ZCWPW2: variants seen among roughly 807,000 people sequenced by gnomAD.
The protein encoded by ZCWPW2 is zinc finger CW-type and PWWP domain containing 2.
ZCWPW2 carries 45 observed loss-of-function variants against 46.6 expected under a neutral mutation model. That is an observed-to-expected ratio of 0.96 (90% CI 0.76 to 1.24). The LOEUF (loss-of-function observed/expected upper bound fraction) is 1.24, where lower values mean the gene tolerates loss of function less well. Among genes scored for constraint, ZCWPW2 ranks in the 50% most tolerant of loss-of-function variants. ZCWPW2 has a pLI of 0.00. For synonymous variants in ZCWPW2, 152 were observed against 137.1 expected (o/e 1.11, Z -0.76); for missense variants, 429 against 403.9 (o/e 1.06, Z -0.53).
chr3:28,480,936 G>C (rs911988334), intron 5 of ZCWPW2, among the ~76,000 whole-genome samples: 1 of 146,128 alleles, frequency 6.8e-6, no homozygotes, highest in Non-Finnish European at 1.5e-5. Context: ...CGCGATCTCA[G>C]CTCACTGCAA....
At chr3:28,495,722 A>G (rs1469424925) in intron 6 of ZCWPW2, among the ~76,000 whole-genome samples, 1 of 151,846 alleles carries the variant, frequency 6.6e-6, no homozygotes, top group African/African-American at 2.4e-5. Flanking sequence ...TATTTTATTT[A>G]ATAAAAGTAT....
Position 28,513,328 on chromosome 3 carries a change from C to T in ZCWPW2, c.658-736C>T, listed in dbSNP as rs542163731. ...TAGCTAAGTCTTCGTGTTAATTATT[C>T]GATTGGGAAATCTCAGGAGACATGA... is the stretch of plus-strand genomic sequence containing the variant. On this transcript the variant is annotated intron_variant, in intron 6 of 9. Coordinates refer to ENST00000383768, the MANE Select transcript of ZCWPW2 (RefSeq NM_001040432.4). Among the ~76,000 whole-genome samples, 7 of 152,168 alleles carry T rather than the reference C, an allele frequency of 4.6e-5. No individual in the cohort carries two copies. In the South Asian group the frequency reaches 6.2e-4, roughly 14 times the overall value.
intron 1 of ZCWPW2, among the ~76,000 whole-genome samples, chr3:28,370,605 G>C (rs1705297653): frequency 6.6e-6 from 1 of 152,176 alleles, no homozygotes; most frequent in South Asian, 2.1e-4. Context: ...AGATATCTAA[G>C]GTGGTGTTTA....
At chr3:28,441,839 T>C (rs1478448694) in intron 4 of ZCWPW2, among the ~76,000 whole-genome samples, 1 of 152,172 alleles carries the variant, frequency 6.6e-6, no homozygotes, top group East Asian at 1.9e-4. Context: ...TAGTCAAATA[T>C]TCAGTTTCCA....
intron 2 of ZCWPW2, among the ~76,000 whole-genome samples, chr3:28,410,272 T>C (rs1696348923): frequency 6.6e-6 from 1 of 152,078 alleles, no homozygotes; most frequent in Non-Finnish European, 1.5e-5. Context: ...GATTTTAACA[T>C]AGCCCTTTAA....
At chr3:28,395,738 C>T (rs532458722) in intron 2 of ZCWPW2, among the ~76,000 whole-genome samples, 4 of 152,028 alleles carry the variant, frequency 2.6e-5, no homozygotes, top group East Asian at 1.9e-4. Flanking sequence ...GGGTGGTTAC[C>T]GGAGGGCTTG....
intron 1 of ZCWPW2, chr3:28,351,474 G>A (rs1426945606): frequency 1.3e-5 from 2 of 151,360 alleles, no homozygotes; most frequent in African/African-American, 4.9e-5. Flanking sequence ...CTGTAGCTTA[G>A]CCTTTTTACT....
intron 1 of ZCWPW2, among the ~76,000 whole-genome samples, chr3:28,367,716 C>T (rs143572555): frequency 0.15 from 22,649 of 152,010 alleles, 2,310 homozygotes; most frequent in East Asian, 0.49. Flanking sequence ...CTTTCTATCT[C>T]GTTGATCTGT....
At chr3:28,455,819 C>T (rs1698401375) in intron 4 of ZCWPW2, among the ~76,000 whole-genome samples, 1 of 151,956 alleles carries the variant, frequency 6.6e-6, no homozygotes, top group South Asian at 2.1e-4. Flanking sequence ...TTTCTGGGTT[C>T]TTTATTATGT....
chr3:28,444,513 G>T lies in ZCWPW2; in HGVS notation c.492+9244G>T, dbSNP rs189809286. 2.6e-5 allele frequency among the ~76,000 whole-genome samples: 4 copies of T among 152,018 alleles called. No individual in the cohort carries two copies. The East Asian group carries it at 7.7e-4, about 29-fold the overall frequency. ...AATCTAGTGTCCCCAGCTTCATCAG[G>T]GTCCTCCCACATGTCCCCATTCCAC... On this transcript the variant is annotated intron_variant, in intron 4 of 9. Coordinates refer to ENST00000383768, the MANE Select transcript of ZCWPW2 (RefSeq NM_001040432.4).
At chr3:28,482,210 T>C (rs151235150) in intron 5 of ZCWPW2, among the ~76,000 whole-genome samples, 1 of 152,334 alleles carries the variant, frequency 6.6e-6, no homozygotes, top group East Asian at 1.9e-4. Context: ...CTCCATAGTT[T>C]TGGCTTTTCC....
chr3:28,516,255 CAATAAATA>C (rs56931163), intron 8 of ZCWPW2, among the ~76,000 whole-genome samples: 28,081 of 140,034 alleles, frequency 0.2, 2,978 homozygotes, highest in Middle Eastern at 0.26. Flanking sequence ...GATTCCCTCT[CAATAAATA>C]AATAAATAAA....
chr3:28,432,653 T>C (rs982627098), intron 3 of ZCWPW2, among the ~76,000 whole-genome samples: 9 of 152,154 alleles, frequency 5.9e-5, no homozygotes, highest in African/African-American at 2.2e-4. Context: ...GCCTAATAAT[T>C]TACATTGTGC....
chr3:28,412,358 C>T (rs1457963637), intron 2 of ZCWPW2, among the ~76,000 whole-genome samples: 2 of 151,768 alleles, frequency 1.3e-5, no homozygotes, highest in Non-Finnish European at 2.9e-5. Flanking sequence ...AAAGCTGAAA[C>T]TATATGAGAT....
intron 3 of ZCWPW2, among the ~76,000 whole-genome samples, chr3:28,422,786 T>G (rs1172316085): frequency 2.0e-5 from 3 of 151,656 alleles, no homozygotes; most frequent in Non-Finnish European, 4.4e-5. Context: ...TGTGTGTGTT[T>G]TTTTTTAAGA....
At chr3:28,435,731 C>A (rs889596938) in intron 4 of ZCWPW2, among the ~76,000 whole-genome samples, 1 of 151,972 alleles carries the variant, frequency 6.6e-6, no homozygotes, top group Admixed American at 6.6e-5. Context: ...TGTGATCAGC[C>A]CGCCCCGGCC....
intron 3 of ZCWPW2, among the ~76,000 whole-genome samples, chr3:28,425,837 C>T (rs62250268): frequency 0.06 from 9,148 of 152,220 alleles, 529 homozygotes; most frequent in Admixed American, 0.17. Context: ...AGGCCAGGTG[C>T]GGTGGCTAAT....
chr3:28,455,276 A>G (rs1698383049), intron 4 of ZCWPW2, among the ~76,000 whole-genome samples: 1 of 152,166 alleles, frequency 6.6e-6, no homozygotes, highest in Non-Finnish European at 1.5e-5. Context: ...GGCGGCATGT[A>G]TGTCTACTTT....
At chr3:28,508,056 C>T (rs1700326783) in intron 6 of ZCWPW2, among the ~76,000 whole-genome samples, 2 of 152,042 alleles carry the variant, frequency 1.3e-5, no homozygotes, top group African/African-American at 2.4e-5. Context: ...GGTATCTGCT[C>T]AGCTTCTGGT....
Sources: allele counts gnomAD v4.1 joint callset (sites outside exome capture counted in the v4.1 genomes callset), GRCh38; gene constraint gnomAD v4.1.1; transcripts MANE v1.5; gene names NCBI Gene and HGNC (gene_info 2026-07-23, HGNC 2026-07-21).